SBK1: variants seen among roughly 807,000 people sequenced by gnomAD.
The protein encoded by SBK1 is serine/threonine-protein kinase SBK1.
SBK1 carries 11 observed loss-of-function variants against 24.4 expected under a neutral mutation model. The ratio of observed to expected loss-of-function variants is 0.45; its 90% CI spans 0.28 to 0.75. The LOEUF is 0.75. SBK1 is among the 30% of genes least tolerant of loss of function. The pLI, the probability that SBK1 is intolerant of heterozygous loss-of-function variation, is 0.12. For missense variants in SBK1, 467 were observed against 620.5 expected (o/e 0.75, Z 2.63); for synonymous variants, 308 against 284.4 (o/e 1.08, Z -0.83).
chr16:28,269,334 C>T (rs893590181), intron 1 of SBK1, among the ~76,000 whole-genome samples: 1 of 151,880 alleles, frequency 6.6e-6, no homozygotes. Flanking sequence ...CATGCCTGGC[C>T]TGCAAGTTCT....
chr16:28,277,090 C>T (rs1383350311), intron 1 of SBK1, among the ~76,000 whole-genome samples: 1 of 151,880 alleles, frequency 6.6e-6, no homozygotes, highest in Non-Finnish European at 1.5e-5. Flanking sequence ...GTTACGCAGG[C>T]TGGGGTGTGG....
chr16:28,313,590 C>G (rs1412204370), intron 1 of SBK1, among the ~76,000 whole-genome samples: 1 of 119,496 alleles, frequency 8.4e-6, no homozygotes, highest in Admixed American at 8.2e-5. Flanking sequence ...AGAGCGATAC[C>G]CTGTCTTAAA....
intron 1 of SBK1, among the ~76,000 whole-genome samples, chr16:28,293,560 G>A (rs1041831079): frequency 3.9e-5 from 6 of 151,932 alleles, no homozygotes; most frequent in South Asian, 2.1e-4. Context: ...AGCCCGTTGT[G>A]CCATGGAGAG....
chr16:28,274,286 T>C (rs558781042), intron 1 of SBK1, among the ~76,000 whole-genome samples: 1 of 152,274 alleles, frequency 6.6e-6, no homozygotes, highest in Non-Finnish European at 1.5e-5. Context: ...AAGATGTTAA[T>C]GGTAGGAGAA....
chr16:28,312,702 G>A (rs1280312739), intron 1 of SBK1, among the ~76,000 whole-genome samples: 1 of 152,242 alleles, frequency 6.6e-6, no homozygotes, highest in Non-Finnish European at 1.5e-5. Context: ...AGTTCCTGTT[G>A]GAACAGGGGC....
At chr16:28,312,155 G>A (rs754417396) in intron 1 of SBK1, among the ~76,000 whole-genome samples, 2 of 152,222 alleles carry the variant, frequency 1.3e-5, no homozygotes, top group Admixed American at 6.5e-5. Context: ...CCTGTTGGGC[G>A]TGGGGAGGAG....
chr16:28,290,266 A>C (rs1468754303), upstream of SBK1: 1 of 152,230 alleles, frequency 6.6e-6, no homozygotes, highest in African/African-American at 2.4e-5. Context: ...AGTCCTTGGC[A>C]GTTTTATGTA....
intron 1 of SBK1, among the ~76,000 whole-genome samples, chr16:28,270,166 A>T (rs1037088990): frequency 2.6e-5 from 4 of 151,686 alleles, no homozygotes; most frequent in Non-Finnish European, 4.4e-5. Context: ...GGTTCAAGCG[A>T]TTCTCCTGCC....
In SBK1 at chr16:28,323,115, A is replaced by C. The variant is rs2044870570; in HGVS notation, c.*2194A>C. On this transcript the variant is annotated 3_prime_UTR_variant, in exon 4 of 4. Coordinates refer to ENST00000341901, the MANE Select transcript of SBK1 (RefSeq NM_001024401.3). ...AGCCCCCTCATTCCCAGAGGCACCC[A>C]GAGGGCCAGCCTCCAGCCTGACCCC... 1 of 147,418 alleles carries C rather than the reference A, an allele frequency of 6.8e-6. No homozygotes were observed. Among genetic ancestry groups the C allele is most frequent in the Non-Finnish European group, 1.5e-5 (1 of 67,058 alleles). 9.1% of individuals were successfully genotyped at this position (147,418 alleles called of 1,614,324 possible).
chr16:28,266,591 T>G (rs1468799508), intron 1 of SBK1, among the ~76,000 whole-genome samples: 1 of 152,038 alleles, frequency 6.6e-6, no homozygotes, highest in African/African-American at 2.4e-5. Context: ...TGGAAGGGCT[T>G]TCTGGATGCT....
intron 1 of SBK1, among the ~76,000 whole-genome samples, chr16:28,307,736 T>A (rs2044726923): frequency 8.5e-6 from 1 of 118,280 alleles, no homozygotes. Context: ...TGAGACTCAG[T>A]CTCAAAAAAA....
At chr16:28,269,952 TG>T (rs2044454289) in intron 1 of SBK1, among the ~76,000 whole-genome samples, 1 of 152,048 alleles carries the variant, frequency 6.6e-6, no homozygotes, top group South Asian at 2.1e-4. Context: ...TTCAAGACAC[TG>T]GGACAAGAAG....
rs781706469 is a variant in SBK1, at chr16:28,320,282, C to T, written c.636C>T (p.Ile212=). 2.5e-6 allele frequency: 4 copies of T among 1,590,634 alleles called. No homozygotes were observed. The South Asian group carries it at 4.4e-5, about 18-fold the overall frequency. Residue 212 remains isoleucine, a synonymous_variant, in exon 4 of 4, where the codon ATC becomes ATT. Transcript: ENST00000341901. The surrounding 1 kb of genome is among the most constrained non-coding windows in gnomAD (Gnocchi z 8.5). ...GCRVKRVSGT[I]PYTAPEVCQA... ...GCGTCAAGCGCGTGAGCGGCACCATCCCTTACACGGCGCCTGAGGTGTGCC... is the reference window on the plus strand; with the variant it reads ...GCGTCAAGCGCGTGAGCGGCACCATTCCTTACACGGCGCCTGAGGTGTGCC...
At chr16:28,279,538 G>A (rs182721940) in intron 1 of SBK1, among the ~76,000 whole-genome samples, 11 of 151,728 alleles carry the variant, frequency 7.2e-5, no homozygotes, top group African/African-American at 1.9e-4. Context: ...TCTGGGTCCC[G>A]CATTCTGTCA....
intron 1 of SBK1, among the ~76,000 whole-genome samples, chr16:28,315,876 C>G (rs2141590079): frequency 6.6e-6 from 1 of 152,282 alleles, no homozygotes; most frequent in African/African-American, 2.4e-5. Context: ...AGAAGTTCTC[C>G]TACCTCAGCC....
At chr16:28,302,118 G>A (rs1220146104) in intron 1 of SBK1, among the ~76,000 whole-genome samples, 1 of 152,166 alleles carries the variant, frequency 6.6e-6, no homozygotes, top group African/African-American at 2.4e-5. Flanking sequence ...ACATTTTTCA[G>A]GGAAGAAGGT....
chr16:28,310,246 C>T (rs1356461446), intron 1 of SBK1, among the ~76,000 whole-genome samples: 1 of 152,232 alleles, frequency 6.6e-6, no homozygotes, highest in African/African-American at 2.4e-5. Flanking sequence ...GTGGATGCGG[C>T]GCTGACAGCC....
At position 28,261,800 on chromosome 16, in the gene SBK1, C is replaced by T. The variant is rs182814917; in HGVS notation, c.257+2298C>T. Among the ~76,000 whole-genome samples the T allele has an allele frequency of 1.0e-3, 155 of 152,288 alleles. 3 individuals are homozygous for T. In the South Asian group the frequency reaches 0.026, roughly 25 times the overall value. On this transcript the variant is annotated intron_variant, in intron 1 of 3. Coordinates refer to the SBK1 transcript ENST00000671413. ...CGTAAGCAAACCAGCATTTGGGAAG[C>T]CCCAGAAAGAGACAGGAATAGGCCT...
At position 28,323,338 on chromosome 16, in the gene SBK1, C is replaced by T. The variant is rs911864708; in HGVS notation, c.*2417C>T. 1 of 151,248 alleles carries T rather than the reference C, an allele frequency of 6.6e-6. No individual in the cohort carries two copies. The highest frequency in any genetic ancestry group is 2.4e-5 in the African/African-American group (1 of 40,878). The allele number at this position is 151,248 out of a possible 1,614,324, so 9.4% of individuals were successfully genotyped here. A position where few individuals can be genotyped will look rare whatever the true frequency, so the allele number is the denominator to read the frequency against. On this transcript the variant is annotated 3_prime_UTR_variant, in exon 4 of 4. Transcript: ENST00000341901. Reference sequence around the variant, plus strand: ...ACTTAGAAGACAAAAAAAAAAAAATCACACAAAAAATCTCCCTTGTTGCGA... The same window carrying T: ...ACTTAGAAGACAAAAAAAAAAAAATTACACAAAAAATCTCCCTTGTTGCGA...
Sources: allele counts gnomAD v4.1 joint callset (sites outside exome capture counted in the v4.1 genomes callset), GRCh38; gene constraint gnomAD v4.1.1; non-coding constraint Gnocchi (gnomAD v3.1); transcripts MANE v1.5; gene names NCBI Gene and HGNC (gene_info 2026-07-23, HGNC 2026-07-21).